Variants in PEX14 observed in about 807,000 individuals in gnomAD.
The protein encoded by PEX14 is peroxisomal biogenesis factor 14, also known as peroxisomal membrane protein PEX14.
Under a neutral mutation model 49.5 loss-of-function variants are expected in PEX14, and 15 were observed. That is an observed-to-expected ratio of 0.30 (90% CI 0.20 to 0.47). PEX14 has a LOEUF of 0.47. Among genes scored for constraint, PEX14 ranks in the 20% least tolerant of loss-of-function variants. The pLI is 1.00. For missense variants in PEX14, 398 were observed against 494.8 expected, an observed-to-expected ratio of 0.80 and a Z score of 1.86; for synonymous variants, 210 against 212.7, an observed-to-expected ratio of 0.99 and a Z score of 0.11.
intron 3 of PEX14, among the ~76,000 whole-genome samples, chr1:10,585,072 G>A (rs151286386): frequency 3.9e-5 from 6 of 152,252 alleles, no homozygotes; most frequent in African/African-American, 7.2e-5. Context: ...TGTCTAGGGC[G>A]TTGGTTCGCA....
chr1:10,578,144 C>T (rs1455793836), intron 3 of PEX14, among the ~76,000 whole-genome samples: 1 of 152,054 alleles, frequency 6.6e-6, no homozygotes. Flanking sequence ...GGGATCACCC[C>T]GAAGTACATA....
chr1:10,582,717 CA>C (rs1457798755), intron 3 of PEX14, among the ~76,000 whole-genome samples: 1 of 152,046 alleles, frequency 6.6e-6, no homozygotes, highest in Admixed American at 6.6e-5. Context: ...TATATGGTAA[CA>C]GGCATTTTGT....
chr1:10,601,572 G>T (rs1305229574), intron 4 of PEX14, among the ~76,000 whole-genome samples: 3 of 152,216 alleles, frequency 2.0e-5, no homozygotes, highest in Non-Finnish European at 2.9e-5. Flanking sequence ...GGGAGGCCAG[G>T]GAGTGTGTGC....
chr1:10,585,760 G>A (rs1340069822), intron 3 of PEX14, among the ~76,000 whole-genome samples: 1 of 152,202 alleles, frequency 6.6e-6, no homozygotes, highest in East Asian at 1.9e-4. Context: ...TCTCTATGCA[G>A]TGGTGCATGC....
chr1:10,595,081 C>A (rs946736718), intron 3 of PEX14, among the ~76,000 whole-genome samples: 1 of 152,102 alleles, frequency 6.6e-6, no homozygotes. Flanking sequence ...GGCCCAGCTC[C>A]TACACAAGGG....
chr1:10,553,927 A>T (rs1033926106), intron 3 of PEX14, among the ~76,000 whole-genome samples: 4 of 151,910 alleles, frequency 2.6e-5, no homozygotes, highest in Non-Finnish European at 5.9e-5. Flanking sequence ...CCTTGCATGC[A>T]CCTCGGTTTT....
intron 7 of PEX14, among the ~76,000 whole-genome samples, chr1:10,625,574 T>G (rs1392857240): frequency 2.6e-5 from 4 of 152,214 alleles, no homozygotes; most frequent in Admixed American, 2.0e-4. Flanking sequence ...AGGTGCCACC[T>G]GCTCTTCCTC....
At position 10,630,140 on chromosome 1, in the gene PEX14, G is replaced by A. The variant is rs1641881257; in HGVS notation, c.*153G>A. On this transcript the variant is annotated 3_prime_UTR_variant, in exon 9 of 9. Coordinates refer to ENST00000356607, the MANE Select transcript of PEX14 (RefSeq NM_004565.3). This position sits in a 1 kb window ranked among gnomAD's most constrained non-coding sequence, Gnocchi z 4.1. ...CTGCACTGCGGCCTGGTGGCAGTGT[G>A]GGGAGTCACACTTCTGTCCACCTGG... 2.5e-6 allele frequency: 3 copies of A among 1,223,866 alleles called. No homozygotes were observed. The highest frequency in any genetic ancestry group is 2.2e-6 in the Non-Finnish European group (2 of 893,478). 75.8% of individuals were successfully genotyped at this position (1,223,866 alleles called of 1,614,324 possible).
intron 1 of PEX14, among the ~76,000 whole-genome samples, chr1:10,489,905 A>G (rs1244015982): frequency 6.6e-6 from 1 of 152,206 alleles, no homozygotes; most frequent in Admixed American, 6.5e-5. Flanking sequence ...CCTGCTGTCC[A>G]ATGTGTACAC....
chr1:10,533,253 T>C (rs779714728), intron 2 of PEX14, among the ~76,000 whole-genome samples: 4 of 152,040 alleles, frequency 2.6e-5, no homozygotes, highest in Non-Finnish European at 4.4e-5. Flanking sequence ...CTGTTAAATA[T>C]GTGATTTGCC....
intron 2 of PEX14, among the ~76,000 whole-genome samples, chr1:10,526,079 A>G (rs1367407608): frequency 6.7e-6 from 1 of 149,954 alleles, no homozygotes; most frequent in Non-Finnish European, 1.5e-5. Flanking sequence ...GTGCTGCCAC[A>G]CCCGGCTAAT....
intron 3 of PEX14, among the ~76,000 whole-genome samples, chr1:10,577,540 A>ATATATATATATATATATG (rs1640161872): frequency 3.4e-4 from 1 of 2,972 alleles, no homozygotes; most frequent in African/African-American, 6.9e-4. Context: ...ATATATATAT[A>ATATATATATATATATATG]TATATATATA....
rs756953282 is a variant in PEX14 at position 10,475,007 on chromosome 1, G to A, written c.36+5G>A. On this transcript the variant is annotated splice_donor_5th_base_variant and intron_variant, in intron 1 of 8. Transcript: ENST00000356607. Reference sequence around the variant, plus strand: ...CAGGCAGAGCAGCCGAGCCAGGTAAGGGGAGTGGGACTGCCCCGCTGTGCG... The same window carrying A: ...CAGGCAGAGCAGCCGAGCCAGGTAAAGGGAGTGGGACTGCCCCGCTGTGCG... 1.9e-6 allele frequency: 3 copies of A among 1,609,342 alleles called. No individual in the cohort carries two copies. Among genetic ancestry groups the A allele is most frequent in the African/African-American group, 1.3e-5 (1 of 75,012 alleles).
chr1:10,622,595 C>T lies in PEX14; in HGVS notation c.385-424C>T, dbSNP rs191634015. 1.8e-3 allele frequency among the ~76,000 whole-genome samples: 277 copies of T among 152,230 alleles called. 1 individual carries two copies. The highest frequency in any genetic ancestry group is 5.0e-3 in the African/African-American group (209 of 41,516). On this transcript the variant is annotated intron_variant, in intron 5 of 8. Transcript: ENST00000356607. ...ATGTTCACAATTCAGGAGAACATGC[C>T]GGGAAGAGCTGCCCCGCCTCCCTCG...
chr1:10,510,448 A>G (rs1006646322), intron 2 of PEX14, among the ~76,000 whole-genome samples: 3 of 152,152 alleles, frequency 2.0e-5, no homozygotes, highest in Non-Finnish European at 4.4e-5. Context: ...TTGAGCATTT[A>G]TCTGATTTGT....
At chr1:10,524,767 C>G (rs1368800700) in intron 2 of PEX14, among the ~76,000 whole-genome samples, 1 of 152,182 alleles carries the variant, frequency 6.6e-6, no homozygotes, top group East Asian at 1.9e-4. Flanking sequence ...AATCATAGCT[C>G]AGTGTAACCT....
At chr1:10,590,311 G>A (rs1028805492) in intron 3 of PEX14, among the ~76,000 whole-genome samples, 15 of 152,238 alleles carry the variant, frequency 9.9e-5, no homozygotes, top group African/African-American at 2.7e-4. Context: ...AGTTAAAGAT[G>A]TAAAGAACTA....
chr1:10,549,447 C>T (rs908547608), intron 3 of PEX14, among the ~76,000 whole-genome samples: 3 of 152,138 alleles, frequency 2.0e-5, no homozygotes, highest in African/African-American at 4.8e-5. Flanking sequence ...GTAACTTTTA[C>T]GTGAAGATAA....
chr1:10,517,966 C>T (rs1034317976), intron 2 of PEX14, among the ~76,000 whole-genome samples: 20 of 152,160 alleles, frequency 1.3e-4, no homozygotes, highest in Non-Finnish European at 2.4e-4. Context: ...TTTGTCCCAA[C>T]TTGACTTCCC....
Sources: gnomAD v4.1 joint callset for allele counts (sites outside exome capture counted in the v4.1 genomes callset) on GRCh38, gnomAD v4.1.1 for gene constraint, Gnocchi (gnomAD v3.1) non-coding constraint, MANE v1.5 for transcripts, NCBI Gene and HGNC (gene_info 2026-07-23, HGNC 2026-07-21) for gene names.